EVC: variants seen among roughly 807,000 people sequenced by gnomAD.
The protein encoded by EVC is EvC ciliary complex subunit 1.
EVC carries 116 observed loss-of-function variants against 118.9 expected under a neutral mutation model. That is an observed-to-expected ratio of 0.98 (90% CI 0.84 to 1.14). EVC has a LOEUF of 1.14. Ranked by LOEUF, EVC falls within the 50% of genes most tolerant of loss-of-function variation. The pLI is 0.00. For missense variants in EVC, 1,401 were observed against 1,246.4 expected (o/e 1.12, Z -1.87); for synonymous variants, 619 against 534.7 (o/e 1.16, Z -2.18).
At chr4:5,822,183 A>G in the EVC span, among the ~76,000 whole-genome samples, 2 of 152,210 alleles carry the variant, frequency 1.3e-5, no homozygotes, top group Non-Finnish European at 2.9e-5. Flanking sequence ...GTGCTTTAAC[A>G]TGTTACTGCA....
chr4:5,775,807 A>G (rs1217680325), intron 11 of EVC, among the ~76,000 whole-genome samples: 1 of 152,214 alleles, frequency 6.6e-6, no homozygotes, highest in Non-Finnish European at 1.5e-5. Flanking sequence ...ATTGGATTAA[A>G]GAATATGTGT....
chr4:5,793,104 G>C (rs1713103738), intron 12 of EVC, among the ~76,000 whole-genome samples: 1 of 152,094 alleles, frequency 6.6e-6, no homozygotes, highest in Admixed American at 6.5e-5. Flanking sequence ...TTGAACAAGA[G>C]GATAAGGCAG....
downstream of EVC, among the ~76,000 whole-genome samples, chr4:5,818,295 T>G (rs1057438115): frequency 6.6e-5 from 10 of 152,198 alleles, no homozygotes; most frequent in African/African-American, 2.4e-4. Flanking sequence ...AATTACCCAG[T>G]CTTGGGTATG....
intron 17 of EVC, among the ~76,000 whole-genome samples, chr4:5,807,301 G>A (rs961817454): frequency 1.3e-5 from 2 of 152,216 alleles, no homozygotes; most frequent in Non-Finnish European, 2.9e-5. Context: ...ACAGCGTCTT[G>A]TAGGGTGCAC....
At chr4:5,711,887 G>A (rs111520293) in intron 1 of EVC, among the ~76,000 whole-genome samples, 15,240 of 152,268 alleles carry the variant, frequency 0.1, 991 homozygotes, top group Middle Eastern at 0.15. Flanking sequence ...GTGGACAGAA[G>A]GACGGCTGGG....
At chr4:5,800,606 T>C (rs1714794058) in intron 15 of EVC, among the ~76,000 whole-genome samples, 1 of 151,902 alleles carries the variant, frequency 6.6e-6, no homozygotes, top group South Asian at 2.1e-4. Context: ...CAGGTGCACA[T>C]AGGATGTGAA....
intron 13 of EVC, among the ~76,000 whole-genome samples, chr4:5,794,784 G>A (rs1196177145): frequency 6.6e-6 from 1 of 152,112 alleles, no homozygotes; most frequent in African/African-American, 2.4e-5. Context: ...GAGGGCACAT[G>A]TGCAGGTTTG....
At chr4:5,712,146 T>G (rs902254769) in intron 1 of EVC, among the ~76,000 whole-genome samples, 1 of 152,170 alleles carries the variant, frequency 6.6e-6, no homozygotes, top group Non-Finnish European at 1.5e-5. Flanking sequence ...AAGTAAACTA[T>G]CGGTTATGAC....
downstream of EVC, among the ~76,000 whole-genome samples, chr4:5,816,307 C>A (rs547181279): frequency 6.6e-6 from 1 of 152,168 alleles, no homozygotes; most frequent in African/African-American, 2.4e-5. Context: ...GGGTCCCCAA[C>A]GGCAAGGAGC....
chr4:5,729,280 C>T, intron 2 of EVC, 27 bp from the exon 3 acceptor site: 1 of 1,610,136 alleles, frequency 6.2e-7, no homozygotes, highest in Non-Finnish European at 8.5e-7. Context: ...GAAAGTTTCC[C>T]ATGCCGTTTG....
At chr4:5,805,239 A>C (rs1451134400) in intron 17 of EVC, among the ~76,000 whole-genome samples, 1 of 152,138 alleles carries the variant, frequency 6.6e-6, no homozygotes, top group Non-Finnish European at 1.5e-5. Context: ...AGGGCAGGGA[A>C]GTGAGGAAGA....
At chr4:5,810,806 A>T in intron 20 of EVC, 147 bp from the exon 21 acceptor site, 4 of 778,742 alleles carry the variant, frequency 5.1e-6, no homozygotes, top group Non-Finnish European at 8.7e-6. Context: ...AACGGGTTTT[A>T]TTGGTTTCTT....
chr4:5,786,434 G>C (rs776928223), intron 12 of EVC, among the ~76,000 whole-genome samples: 6 of 152,134 alleles, frequency 3.9e-5, no homozygotes, highest in Non-Finnish European at 5.9e-5. Flanking sequence ...TTGGCATGTG[G>C]GGAAGGTTTC....
intron 11 of EVC, among the ~76,000 whole-genome samples, chr4:5,770,114 A>G (rs7680669): frequency 0.38 from 57,994 of 151,928 alleles, 11,454 homozygotes; most frequent in Middle Eastern, 0.51. Flanking sequence ...GGTGGAGCTG[A>G]GGGCAGCACT....
In EVC at chr4:5,745,467, AGAGGCAGGATCC is replaced by A. The variant is rs1729233993; in HGVS notation, c.939+127_939+138del. On this transcript the variant is annotated intron_variant, in intron 7 of 20. Coordinates refer to ENST00000264956, the MANE Select transcript of EVC (RefSeq NM_153717.3). ...GAATTCCCCTATCGCATTCTGCCCT[AGAGGCAGGATCC>A]AGTTTCTGATGCTAAGTGATAGGGA... 3.1e-6 allele frequency: 3 copies of A among 979,024 alleles called. No homozygotes were observed. In the South Asian group the frequency reaches 4.3e-5, roughly 14 times the overall value. The allele number at this position is 979,024 out of a possible 1,614,324, so 60.6% of individuals were successfully genotyped here.
At chr4:5,785,496 G>C (rs1242503332) in intron 12 of EVC, among the ~76,000 whole-genome samples, 5 of 152,236 alleles carry the variant, frequency 3.3e-5, no homozygotes, top group African/African-American at 1.2e-4. Context: ...ATAGAGGAGA[G>C]CGTTATGCAA....
At chr4:5,752,736 T>G (rs865831851) in intron 8 of EVC, 100 bp from the exon 9 acceptor site, 1 of 1,178,800 alleles carries the variant, frequency 8.5e-7, no homozygotes, top group Non-Finnish European at 1.3e-6. Context: ...GGCAGTGCCA[T>G]TAGTTAATGA....
chr4:5,774,796 C>T (rs889702358), intron 11 of EVC, among the ~76,000 whole-genome samples: 9 of 152,096 alleles, frequency 5.9e-5, no homozygotes, highest in African/African-American at 2.2e-4. Flanking sequence ...TGTCCTGACC[C>T]CTTTACACAC....
chr4:5,798,558 C>G lies in EVC; in HGVS notation c.2098-28C>G. On this transcript the variant is annotated intron_variant, in intron 14 of 20. Coordinates refer to ENST00000264956, the MANE Select transcript of EVC (RefSeq NM_153717.3). The surrounding 1 kb of genome is among the most constrained non-coding windows in gnomAD (Gnocchi z 4.1). ...GCTTCTCTGTGAGAGGAGCACTTGG[C>G]CCCTGCTCCCAGTCCTTTCCCTCCC... 4 of 1,548,232 alleles carry G rather than the reference C, an allele frequency of 2.6e-6. No homozygotes were observed. Among genetic ancestry groups the G allele is most frequent in the Non-Finnish European group, 3.5e-6 (4 of 1,145,750 alleles).
Sources: allele counts gnomAD v4.1 joint callset (sites outside exome capture counted in the v4.1 genomes callset), GRCh38; gene constraint gnomAD v4.1.1; non-coding constraint Gnocchi (gnomAD v3.1); transcripts MANE v1.5; gene names NCBI Gene and HGNC (gene_info 2026-07-23, HGNC 2026-07-21).